Variants in DMD observed in about 807,000 individuals in gnomAD.
DMD encodes dystrophin, also known as mutant dystrophin.
DMD carries 63 observed loss-of-function variants against 330.1 expected under a neutral mutation model. The ratio of observed to expected loss-of-function variants is 0.19; its 90% confidence interval spans 0.16 to 0.24. DMD has a LOEUF of 0.24. DMD is among the 10% of genes least tolerant of loss of function. DMD has a pLI of 1.00. For missense variants in DMD, 3,344 were observed against 2,684.1 expected (o/e 1.25, Z -5.43); for synonymous variants, 1,223 against 959.8 (o/e 1.27, Z -5.07).
At chrX:31,286,739 CTT>C (rs1469534967) in intron 62 of DMD, among the ~76,000 whole-genome samples, 1 of 112,349 alleles carries the variant, frequency 8.9e-6, no homozygotes, top group Non-Finnish European at 1.9e-5. Flanking sequence ...CAGATCCTCT[CTT>C]TCTTTCTACA....
chrX:33,006,685 T>G (rs2093403706), intron 2 of DMD, among the ~76,000 whole-genome samples: 2 of 111,559 alleles, frequency 1.8e-5, no homozygotes, highest in Non-Finnish European at 3.8e-5. Flanking sequence ...CATCTCTCAT[T>G]GTTCCTTATT....
chrX:32,703,314 G>T (rs933031614), intron 7 of DMD, among the ~76,000 whole-genome samples: 1 of 111,453 alleles, frequency 9.0e-6, no homozygotes, highest in Non-Finnish European at 1.9e-5. Context: ...TAGTAAAACT[G>T]TAAAGTTTGT....
chrX:32,551,580 G>A (rs764820976), intron 16 of DMD, among the ~76,000 whole-genome samples: 17 of 111,663 alleles, frequency 1.5e-4, no homozygotes, highest in African/African-American at 5.5e-4. Context: ...ACTGGCATAA[G>A]ACAAGGGGGC....
At chrX:32,782,189 T>C (rs927264162) in intron 7 of DMD, among the ~76,000 whole-genome samples, 2 of 111,799 alleles carry the variant, frequency 1.8e-5, no homozygotes, top group African/African-American at 6.5e-5. Flanking sequence ...ATTAAAAAGG[T>C]TCTTTTCTCA....
intron 7 of DMD, among the ~76,000 whole-genome samples, chrX:32,735,889 T>C (rs1194643148): frequency 9.0e-6 from 1 of 111,628 alleles, no homozygotes; most frequent in Non-Finnish European, 1.9e-5. Flanking sequence ...CCAAAAGCAA[T>C]GGCAACAAAA....
At chrX:32,233,598 C>CA (rs1569552318) in intron 43 of DMD, among the ~76,000 whole-genome samples, 1,423 of 93,789 alleles carry the variant, frequency 0.015, 41 homozygotes, top group East Asian at 0.14. Flanking sequence ...ATTTCTTTTT[C>CA]TTTTATTTAT....
At chrX:32,896,221 A>C (rs1455030181) in intron 2 of DMD, among the ~76,000 whole-genome samples, 3 of 111,377 alleles carry the variant, frequency 2.7e-5, no homozygotes, top group Non-Finnish European at 5.7e-5. Context: ...TAGCCTGCTT[A>C]ATTGGTATGC....
intron 2 of DMD, among the ~76,000 whole-genome samples, chrX:32,868,075 G>A (rs995871007): frequency 9.0e-6 from 1 of 110,894 alleles, no homozygotes; most frequent in African/African-American, 3.3e-5. Context: ...GCATGAGAGC[G>A]CAAGGAAAAG....
intron 7 of DMD, among the ~76,000 whole-genome samples, chrX:32,766,602 C>A (rs1183253731): frequency 9.0e-6 from 1 of 111,124 alleles, no homozygotes; most frequent in Non-Finnish European, 1.9e-5. Flanking sequence ...GTGTGGAAAT[C>A]TCTAGAATTT....
chrX:31,862,999 G>C (rs1041101094), intron 48 of DMD, among the ~76,000 whole-genome samples: 1 of 112,786 alleles, frequency 8.9e-6, no homozygotes, highest in Non-Finnish European at 1.9e-5. Context: ...CCTCACTTGG[G>C]GCTAACGCCA....
intron 55 of DMD, among the ~76,000 whole-genome samples, chrX:31,571,065 A>C (rs1224755063): frequency 2.7e-5 from 3 of 111,894 alleles, no homozygotes; most frequent in Middle Eastern, 4.6e-3. Flanking sequence ...AAACAGACTC[A>C]TGCCATTTGT....
At chrX:31,402,796 A>G (rs1031457529) in intron 60 of DMD, among the ~76,000 whole-genome samples, 1 of 112,193 alleles carries the variant, frequency 8.9e-6, no homozygotes, top group Admixed American at 9.5e-5. Context: ...AATGACTCTT[A>G]ACTGGCTCAG....
chrX:31,815,245 T>C (rs1205666409), intron 50 of DMD, among the ~76,000 whole-genome samples: 1 of 111,086 alleles, frequency 9.0e-6, no homozygotes, highest in African/African-American at 3.3e-5. Context: ...AGGTCAGGAG[T>C]TCGAGACCAG....
intron 7 of DMD, among the ~76,000 whole-genome samples, chrX:32,759,419 GTTCA>G (rs1412359064): frequency 9.0e-6 from 1 of 111,395 alleles, no homozygotes; most frequent in Admixed American, 9.6e-5. Context: ...TATATTCAAT[GTTCA>G]TTCTGATTTC....
intron 48 of DMD, among the ~76,000 whole-genome samples, chrX:31,874,594 A>G (rs1327818819): frequency 9.0e-6 from 1 of 111,345 alleles, no homozygotes; most frequent in African/African-American, 3.3e-5. Flanking sequence ...AACATATTCT[A>G]GTAAAATAAT....
At chrX:31,599,624 C>G (rs2077257149) in intron 55 of DMD, among the ~76,000 whole-genome samples, 1 of 112,045 alleles carries the variant, frequency 8.9e-6, no homozygotes, top group African/African-American at 3.2e-5. Context: ...ATTCCACAAG[C>G]TTTTACTGAG....
At position 32,649,558 on chromosome X, in the gene DMD, TTAAAAAA is replaced by T. The variant is rs1190367258; in HGVS notation, c.961-4413_961-4407del. Among the ~76,000 whole-genome samples, 8 of 74,533 alleles carry T rather than the reference TTAAAAAA, an allele frequency of 1.1e-4. 1 individual carries two copies. Among genetic ancestry groups the T allele is most frequent in the African/African-American group, 7.3e-4 (8 of 10,909 alleles). 64.7% of individuals were successfully genotyped at this position (74,533 alleles called of 115,157 possible). On this transcript the variant is annotated intron_variant, in intron 9 of 78. Transcript: ENST00000357033. ...GCAAAACAGCAAGACTCCGTCTCTT[TTAAAAAA>T]AAAAAAAAAAAAAAAAAAGGTGAAA...
intron 63 of DMD, among the ~76,000 whole-genome samples, chrX:31,223,787 G>C (rs1271444910): frequency 2.7e-5 from 3 of 111,773 alleles, no homozygotes; most frequent in African/African-American, 9.8e-5. Flanking sequence ...TACAAAAAAA[G>C]TTTATATAAA....
intron 54 of DMD, among the ~76,000 whole-genome samples, chrX:31,638,920 T>C (rs747733939): frequency 2.6e-4 from 29 of 111,954 alleles, no homozygotes; most frequent in Non-Finnish European, 4.7e-4. Flanking sequence ...GGAGAATAGA[T>C]GAGTGTTATC....
Sources: gnomAD v4.1 joint callset for allele counts (sites outside exome capture counted in the v4.1 genomes callset) on GRCh38, gnomAD v4.1.1 for gene constraint, MANE v1.5 for transcripts, NCBI Gene and HGNC (gene_info 2026-07-23, HGNC 2026-07-21) for gene names.